Variants in SREBF2 observed in about 807,000 individuals in gnomAD.
SREBF2 encodes the protein sterol regulatory element binding transcription factor 2.
A neutral mutation model predicts 113.1 loss-of-function variants in SREBF2; 55 were observed. The observed-to-expected ratio is 0.49, with a 90% CI of 0.39 to 0.61. The LOEUF is 0.61. Among genes scored for constraint, SREBF2 ranks in the 20% least tolerant of loss-of-function variants. SREBF2 has a pLI of 0.00. For synonymous variants in SREBF2, 593 were observed against 605.7 expected (o/e 0.98, Z 0.31); for missense variants, 1,349 against 1,487.4 (o/e 0.91, Z 1.53).
Position 41,893,099 on chromosome 22 carries a change from G to T in SREBF2, c.2209-18G>T. 1 of 1,612,182 alleles carries T rather than the reference G, an allele frequency of 6.2e-7. No individual in the cohort carries two copies. Among genetic ancestry groups the T allele is most frequent in the Middle Eastern group, 2.0e-4 (1 of 4,962 alleles). ...TTCTGCCACCTTGGTGTTACCCCTG[G>T]TCCTTGTCCTTCCACAGAGCTACTT... On this transcript the variant is annotated intron_variant, in intron 11 of 18. Coordinates refer to ENST00000361204, the MANE Select transcript of SREBF2 (RefSeq NM_004599.4).
chr22:41,864,224 A>G (rs1463300346), intron 1 of SREBF2, among the ~76,000 whole-genome samples: 1 of 16,608 alleles, frequency 6.0e-5, no homozygotes, highest in Admixed American at 7.1e-4. Context: ...TTCTGCAAGC[A>G]TATATATATA....
At chr22:41,890,992 G>A (rs988405938) in intron 11 of SREBF2, among the ~76,000 whole-genome samples, 2 of 151,950 alleles carry the variant, frequency 1.3e-5, no homozygotes, top group African/African-American at 4.8e-5. Flanking sequence ...GGTTCCTCTT[G>A]CCGTATGACC....
intron 3 of SREBF2, 74 bp downstream of exon 3, chr22:41,868,866 A>G (rs2077112830): frequency 1.9e-6 from 3 of 1,538,844 alleles, no homozygotes; most frequent in South Asian, 2.4e-5. Flanking sequence ...GATGTGGTCT[A>G]CATACTAAGA....
At chr22:41,855,438 A>C (rs1477752923) in intron 1 of SREBF2, among the ~76,000 whole-genome samples, 1 of 152,080 alleles carries the variant, frequency 6.6e-6, no homozygotes, top group Non-Finnish European at 1.5e-5. Flanking sequence ...AGGCGGGAGA[A>C]TTGAAACTGG....
intron 1 of SREBF2, among the ~76,000 whole-genome samples, chr22:41,858,682 G>A (rs1428636592): frequency 1.3e-5 from 2 of 152,272 alleles, no homozygotes; most frequent in East Asian, 3.9e-4. Flanking sequence ...AGGAGGTAGA[G>A]GCCACAGTGA....
At chr22:41,835,457 T>C (rs910963888) in intron 1 of SREBF2, among the ~76,000 whole-genome samples, 9 of 151,524 alleles carry the variant, frequency 5.9e-5, no homozygotes, top group Non-Finnish European at 1.3e-4. Flanking sequence ...ATTACAGGCA[T>C]GCGCCACCAC....
intron 1 of SREBF2, among the ~76,000 whole-genome samples, chr22:41,854,792 G>A (rs900617582): frequency 5.9e-5 from 9 of 151,820 alleles, no homozygotes; most frequent in African/African-American, 1.9e-4. Flanking sequence ...TTGCTTGAAC[G>A]TGGGAGGCGG....
intron 1 of SREBF2, among the ~76,000 whole-genome samples, chr22:41,853,431 T>C (rs2076950298): frequency 6.6e-6 from 1 of 152,220 alleles, no homozygotes; most frequent in Admixed American, 6.5e-5. Context: ...CTGGATTCTG[T>C]GATTTTGTCA....
At chr22:41,859,990 A>G (rs1025390651) in intron 1 of SREBF2, among the ~76,000 whole-genome samples, 2 of 151,296 alleles carry the variant, frequency 1.3e-5, no homozygotes, top group Non-Finnish European at 2.9e-5. Context: ...TATTTTTAGT[A>G]GAGACGGGGT....
chr22:41,901,396 C>T (rs1386764545), intron 16 of SREBF2, among the ~76,000 whole-genome samples: 2 of 152,182 alleles, frequency 1.3e-5, no homozygotes, highest in Admixed American at 6.5e-5. Context: ...CGCGGTGGCT[C>T]ACACCTGTAA....
chr22:41,879,738 A>G (rs1367752416), intron 9 of SREBF2, among the ~76,000 whole-genome samples: 1 of 152,210 alleles, frequency 6.6e-6, no homozygotes, highest in Admixed American at 6.5e-5. Context: ...AGGAGAATTT[A>G]CTTTCATTTC....
intron 3 of SREBF2, among the ~76,000 whole-genome samples, chr22:41,869,820 G>A (rs765305325): frequency 2.6e-5 from 4 of 151,270 alleles, no homozygotes; most frequent in Non-Finnish European, 4.4e-5. Context: ...CACAAAAAAC[G>A]TCTTTATGTT....
intron 13 of SREBF2, among the ~76,000 whole-genome samples, 165 bp from the exon 14 acceptor site, chr22:41,896,887 G>T (rs1326521277): frequency 6.6e-6 from 1 of 152,150 alleles, no homozygotes; most frequent in Non-Finnish European, 1.5e-5. Context: ...GATGCCTGAG[G>T]AATACAAAGG....
intron 11 of SREBF2, chr22:41,885,851 T>C (rs181162904): frequency 9.2e-5 from 14 of 152,500 alleles, no homozygotes; most frequent in African/African-American, 1.7e-4. Flanking sequence ...TGTAGTGACA[T>C]TGATATATTT....
intron 1 of SREBF2, among the ~76,000 whole-genome samples, chr22:41,837,849 A>G (rs906256000): frequency 7.2e-6 from 1 of 138,898 alleles, no homozygotes; most frequent in East Asian, 2.0e-4. Context: ...CAAGAGCAAG[A>G]CTCTGTCTCA....
chr22:41,859,145 G>A (rs1035981182), intron 1 of SREBF2, among the ~76,000 whole-genome samples: 55 of 152,070 alleles, frequency 3.6e-4, no homozygotes, highest in Admixed American at 3.0e-3. Flanking sequence ...AAAAGTGGGG[G>A]GACCTAATAA....
intron 5 of SREBF2, among the ~76,000 whole-genome samples, chr22:41,874,551 A>G (rs2077175270): frequency 6.6e-6 from 1 of 152,236 alleles, no homozygotes; most frequent in Admixed American, 6.5e-5. Context: ...TTGAAAGAAA[A>G]TTTCATTTTC....
chr22:41,885,090 T>G, intron 11 of SREBF2, 79 bp downstream of exon 11: 1 of 1,543,590 alleles, frequency 6.5e-7, no homozygotes, highest in Middle Eastern at 2.2e-4. Flanking sequence ...GAAGCAGTTA[T>G]GAACCCCCTT....
At chr22:41,884,496 C>G (rs2077280773) in intron 10 of SREBF2, among the ~76,000 whole-genome samples, 1 of 152,182 alleles carries the variant, frequency 6.6e-6, no homozygotes, top group South Asian at 2.1e-4. Context: ...AAAAAAATTT[C>G]ATTACCTCTG....
Sources: allele counts gnomAD v4.1 joint callset (sites outside exome capture counted in the v4.1 genomes callset), GRCh38; gene constraint gnomAD v4.1.1; transcripts MANE v1.5; gene names NCBI Gene and HGNC (gene_info 2026-07-23, HGNC 2026-07-21).